The following CDC42SE2 variants were observed in gnomAD, a reference collection of about 807,000 sequenced individuals.
The protein encoded by CDC42SE2 is CDC42 small effector protein 2.
In CDC42SE2, 3 loss-of-function variants were observed where a neutral mutation model predicts 11.5. That is an observed-to-expected ratio of 0.26 (90% CI 0.12 to 0.67). The LOEUF (loss-of-function observed/expected upper bound fraction) is 0.67, where lower values mean the gene tolerates loss of function less well. CDC42SE2 is among the 30% of genes least tolerant of loss of function. The pLI is 0.80. For synonymous variants in CDC42SE2, 33 were observed against 34.8 expected, an observed-to-expected ratio of 0.95 and a Z score of 0.18; for missense variants, 82 against 106.8, an observed-to-expected ratio of 0.77 and a Z score of 1.02.
intron 1 of CDC42SE2, among the ~76,000 whole-genome samples, chr5:131,246,598 G>C (rs952279749): frequency 6.6e-6 from 1 of 152,062 alleles, no homozygotes; most frequent in South Asian, 2.1e-4. Flanking sequence ...ATAGAGTTAG[G>C]TTACCTTTTA....
chr5:131,370,253 AAAG>A (rs745909210), intron 3 of CDC42SE2, among the ~76,000 whole-genome samples: 4 of 152,204 alleles, frequency 2.6e-5, no homozygotes, highest in African/African-American at 7.2e-5. Context: ...AAGGAAAAGA[AAAG>A]AAACTCAGCG....
At chr5:131,212,083 A>G in the CDC42SE2 span, among the ~76,000 whole-genome samples, 2 of 151,798 alleles carry the variant, frequency 1.3e-5, no homozygotes, top group African/African-American at 4.8e-5. Flanking sequence ...AAATCACCAC[A>G]TGTGTGGCAG....
upstream of CDC42SE2, among the ~76,000 whole-genome samples, chr5:131,244,516 G>A (rs1473719519): frequency 1.3e-5 from 2 of 152,174 alleles, no homozygotes; most frequent in Non-Finnish European, 2.9e-5. Context: ...TTCGAGACCA[G>A]CCTAGCCAAC....
the CDC42SE2 span, among the ~76,000 whole-genome samples, chr5:131,211,987 C>T: frequency 6.9e-6 from 1 of 144,838 alleles, no homozygotes; most frequent in Non-Finnish European, 1.5e-5. Context: ...TGGACTTCAG[C>T]CTGGGTGACA....
chr5:131,254,656 C>G (rs1029986617), intron 1 of CDC42SE2, among the ~76,000 whole-genome samples: 2 of 150,626 alleles, frequency 1.3e-5, no homozygotes, highest in African/African-American at 4.9e-5. Context: ...TTGCTTTAGT[C>G]TTCATTCTTG....
chr5:131,324,643 A>G (rs913119803), intron 2 of CDC42SE2, among the ~76,000 whole-genome samples: 6 of 152,124 alleles, frequency 3.9e-5, no homozygotes, highest in Admixed American at 6.5e-5. Flanking sequence ...AATAAGACCA[A>G]TACTTTCTTT....
At chr5:131,322,780 C>T (rs1287488054) in intron 2 of CDC42SE2, among the ~76,000 whole-genome samples, 1 of 152,188 alleles carries the variant, frequency 6.6e-6, no homozygotes, top group Non-Finnish European at 1.5e-5. Context: ...AATATGTCTT[C>T]AGGGCTCTGC....
chr5:131,236,728 A>G, the CDC42SE2 span, among the ~76,000 whole-genome samples: 1 of 152,168 alleles, frequency 6.6e-6, no homozygotes, highest in African/African-American at 2.4e-5. Flanking sequence ...TCAACCGATT[A>G]AATTTACTTC....
the CDC42SE2 span, among the ~76,000 whole-genome samples, chr5:131,229,944 A>G: frequency 0.32 from 48,502 of 152,106 alleles, 12,317 homozygotes; most frequent in African/African-American, 0.71. Context: ...AAAAAAAGAA[A>G]AAAGAAAACT....
chr5:131,350,343 A>C (rs1181696906), intron 2 of CDC42SE2, among the ~76,000 whole-genome samples: 1 of 151,466 alleles, frequency 6.6e-6, no homozygotes, highest in Non-Finnish European at 1.5e-5. Flanking sequence ...TAAAAATACA[A>C]AAAAAAAGAA....
At chr5:131,380,074 C>T (rs1455488590) in intron 3 of CDC42SE2, among the ~76,000 whole-genome samples, 2 of 151,826 alleles carry the variant, frequency 1.3e-5, no homozygotes, top group African/African-American at 4.8e-5. Flanking sequence ...TTACAGGTGC[C>T]TGCCACCATG....
intron 1 of CDC42SE2, among the ~76,000 whole-genome samples, chr5:131,304,820 G>A (rs562531193): frequency 7.9e-5 from 12 of 152,202 alleles, no homozygotes; most frequent in African/African-American, 2.6e-4. Context: ...CAAATTTAAT[G>A]CATTAAAAGG....
At chr5:131,372,442 G>A (rs1324599960) in intron 3 of CDC42SE2, among the ~76,000 whole-genome samples, 2 of 152,034 alleles carry the variant, frequency 1.3e-5, no homozygotes, top group Non-Finnish European at 2.9e-5. Context: ...TGGGCGCGGT[G>A]GTGGCTCACG....
chr5:131,316,101 T>G lies in CDC42SE2; in HGVS notation c.-329T>G, dbSNP rs1758034405. 1 of 152,380 alleles carries G rather than the reference T, an allele frequency of 6.6e-6. No individual in the cohort carries two copies. The highest frequency in any genetic ancestry group is 2.4e-5 in the African/African-American group (1 of 41,450). The allele number at this position is 152,380 out of a possible 1,614,324, so 9.4% of individuals were successfully genotyped here. ...CTGTATGCATAATATGGAATGTTCT[T>G]AACCCAGAAGTAGCTGAATGTGTTA... On this transcript the variant is annotated 5_prime_UTR_variant, in exon 2 of 5. An upstream open reading frame in the 5' UTR loses its in-frame stop. Transcript: ENST00000505065.
At chr5:131,353,661 T>C (rs1749435629) in intron 2 of CDC42SE2, among the ~76,000 whole-genome samples, 2 of 152,086 alleles carry the variant, frequency 1.3e-5, no homozygotes, top group South Asian at 2.1e-4. Context: ...ATCCCAGCAT[T>C]TAGGGAGGCC....
At chr5:131,339,453 C>T (rs556431171) in intron 2 of CDC42SE2, among the ~76,000 whole-genome samples, 12 of 151,724 alleles carry the variant, frequency 7.9e-5, no homozygotes, top group East Asian at 1.9e-4. Flanking sequence ...TCTAAATAAA[C>T]GACTAAGACA....
chr5:131,227,442 C>T, the CDC42SE2 span, among the ~76,000 whole-genome samples: 2 of 151,954 alleles, frequency 1.3e-5, no homozygotes, highest in Admixed American at 6.6e-5. Context: ...CTAGACCACC[C>T]TGGCCAACGT....
chr5:131,336,155 G>T (rs1262514316), intron 2 of CDC42SE2, among the ~76,000 whole-genome samples: 1 of 152,184 alleles, frequency 6.6e-6, no homozygotes, highest in Non-Finnish European at 1.5e-5. Flanking sequence ...CTCTTTTAGG[G>T]CAGGCCTGGT....
intron 1 of CDC42SE2, among the ~76,000 whole-genome samples, chr5:131,301,129 C>T (rs1402147252): frequency 2.6e-5 from 4 of 152,116 alleles, no homozygotes. Flanking sequence ...GTATTGTACA[C>T]TACCGTTGCT....
Sources: gnomAD v4.1 joint callset for allele counts (sites outside exome capture counted in the v4.1 genomes callset) on GRCh38, gnomAD v4.1.1 for gene constraint, MANE v1.5 for transcripts, NCBI Gene and HGNC (gene_info 2026-07-23, HGNC 2026-07-21) for gene names.